Variants in PPP1R13L observed in about 807,000 individuals in gnomAD.
The protein encoded by PPP1R13L is protein phosphatase 1 regulatory subunit 13 like, also known as relA-associated inhibitor.
In PPP1R13L, 50 loss-of-function variants were observed where a neutral mutation model predicts 80.9. That is an observed-to-expected ratio of 0.62 (90% CI 0.49 to 0.78). The LOEUF (loss-of-function observed/expected upper bound fraction) is 0.78. PPP1R13L is among the 30% of genes least tolerant of loss of function. PPP1R13L has a pLI of 0.00. For missense variants in PPP1R13L, 1,200 were observed against 1,205.9 expected, an observed-to-expected ratio of 1.00 and a Z score of 0.07; for synonymous variants, 602 against 534.3, an observed-to-expected ratio of 1.13 and a Z score of -1.75.
intron 1 of PPP1R13L, among the ~76,000 whole-genome samples, chr19:45,399,624 A>AAAAC (rs1292110991): frequency 4.3e-5 from 5 of 115,894 alleles, no homozygotes; most frequent in East Asian, 2.2e-4. Flanking sequence ...ACTCCGTCTT[A>AAAAC]AAACAAACAA....
intron 8 of PPP1R13L, among the ~76,000 whole-genome samples, chr19:45,389,480 TTA>T (rs1186125537): frequency 6.6e-6 from 1 of 152,160 alleles, no homozygotes; most frequent in African/African-American, 2.4e-5. Flanking sequence ...CAGTTAACAG[TTA>T]TGTGCCAGGT....
Position 45,391,915 on chromosome 19 carries a change from A to C in PPP1R13L, c.1780T>G (p.Ser594Ala), listed in dbSNP as rs1474207212. ...GGCTGCTCTGGTGGGCTGCTCTGGG[A>C]CGGGGCCGGGGGTGGAATGGGAGCT... ...PPAPIPPPAP[S>A]QSSPPEQPQS... The change falls in exon 8 of 13, where the codon TCC becomes GCC. Residue 594 changes from serine (S) to alanine (A), a missense_variant. Ser to Ala is a moderately conservative substitution (Grantham distance 99). Transcript: ENST00000360957. 6.7e-7 allele frequency: 1 copy of C among 1,496,626 alleles called. No individual in the cohort carries two copies. Among genetic ancestry groups the C allele is most frequent in the Non-Finnish European group, 8.9e-7 (1 of 1,126,538 alleles). The allele number at this position is 1,496,626 out of a possible 1,614,324, so 92.7% of individuals were successfully genotyped here.
intron 8 of PPP1R13L, 98 bp downstream of exon 8, chr19:45,391,782 C>T (rs182779355): frequency 1.0e-6 from 1 of 958,896 alleles, no homozygotes; most frequent in African/African-American, 1.7e-5. Context: ...GAGGAGAAAA[C>T]TTCGATCTCA....
At chr19:45,403,007 C>T (rs549910151) in intron 1 of PPP1R13L, among the ~76,000 whole-genome samples, 72 of 152,308 alleles carry the variant, frequency 4.7e-4, no homozygotes, top group African/African-American at 1.6e-3. Flanking sequence ...TCGGTTTCCT[C>T]CTTTGTGGAC....
At chr19:45,404,899 C>T in intron 1 of PPP1R13L, 100 bp downstream of exon 1, 1 of 737,822 alleles carries the variant, frequency 1.4e-6, no homozygotes, top group Non-Finnish European at 1.7e-6. Context: ...GCCCCAAATT[C>T]CGCCCTGGGA....
intron 8 of PPP1R13L, among the ~76,000 whole-genome samples, chr19:45,388,989 C>T (rs1463467602): frequency 3.9e-5 from 6 of 152,040 alleles, no homozygotes; most frequent in Admixed American, 1.3e-4. Flanking sequence ...CCACCCGCCT[C>T]GGCCTCCCAA....
At position 45,396,679 on chromosome 19, in the gene PPP1R13L, G is replaced by A. The variant is rs905155114; in HGVS notation, c.578C>T (p.Pro193Leu). ...CCCACGCTCGGGGAAGAAGGCCTGG[G>A]GCCCCTCCGCCAGGGGGCTGCCGCG... ...SPRGSPLAEG[P>L]QAFFPERGPS... Residue 193 changes from proline (P) to leucine (L), a missense_variant, in exon 4 of 13, where the codon CCC (proline) becomes CTC (leucine). Physicochemically the swap from Pro to Leu is moderately conservative, Grantham distance 98 (BLOSUM62 -3). Around this residue, in one of 5 missense-constraint regions of PPP1R13L, gnomAD observed 764 missense variants for 714.5 expected, o/e 1.07. Coordinates refer to ENST00000360957, the MANE Select transcript of PPP1R13L (RefSeq NM_006663.4). The surrounding 1 kb of genome is among the most constrained non-coding windows in gnomAD (Gnocchi z 5.3). The A allele has an allele frequency of 7.0e-7, 1 of 1,436,580 alleles. No homozygotes were observed. Among genetic ancestry groups the A allele is most frequent in the Non-Finnish European group, 9.0e-7 (1 of 1,106,470 alleles). The allele number at this position is 1,436,580 out of a possible 1,614,324, so 89.0% of individuals were successfully genotyped here.
At chr19:45,382,996 C>CCTTTTTT (rs1972794674) in intron 11 of PPP1R13L, among the ~76,000 whole-genome samples, 1 of 126,276 alleles carries the variant, frequency 7.9e-6, no homozygotes, top group African/African-American at 3.1e-5. Context: ...TCTTTTCTTT[C>CCTTTTTT]TTTTTTTTTT....
chr19:45,382,253 A>T (rs1472902285), intron 12 of PPP1R13L, among the ~76,000 whole-genome samples: 1 of 151,930 alleles, frequency 6.6e-6, no homozygotes, highest in Non-Finnish European at 1.5e-5. Context: ...TAAATAAAAT[A>T]AAAATAAAAA....
chr19:45,404,080 C>G (rs1973280454), intron 1 of PPP1R13L, among the ~76,000 whole-genome samples: 1 of 152,114 alleles, frequency 6.6e-6, no homozygotes, highest in Non-Finnish European at 1.5e-5. Context: ...GAATCCCGTC[C>G]CCCAGAGAGC....
In PPP1R13L at chr19:45,395,460, G is replaced by T; in HGVS notation, c.1330C>A (p.Gln444Lys). 7.2e-7 allele frequency: 1 copy of T among 1,392,058 alleles called. No individual in the cohort carries two copies. The allele number at this position is 1,392,058 out of a possible 1,614,324, so 86.2% of individuals were successfully genotyped here. ...CCTTCGTTCACAGGGGGCCATGTCT[G>T]TTGGGGATGCTGGGGGGCTGGGGTA... ...TPTPAPQHPQ[Q>K]TWPPVNEGPP... is the part of the protein sequence containing the mutation. The change falls in exon 7 of 13, where the codon CAG becomes AAG. Residue 444 changes from glutamine (Q) to lysine (K), a missense_variant. Coordinates refer to ENST00000360957, the MANE Select transcript of PPP1R13L (RefSeq NM_006663.4).
Position 45,379,902 on chromosome 19 carries a change from G to T in PPP1R13L, c.*288C>A. On this transcript the variant is annotated 3_prime_UTR_variant, in exon 13 of 13. Transcript: ENST00000360957. The stretch of plus-strand genomic sequence containing the variant: ...CTGGGGGATGTGATGATGGTGGTAG[G>T]CATGGGAGGCACTTTGGACGGGATC... 3.2e-6 allele frequency: 1 copy of T among 316,590 alleles called. No individual in the cohort carries two copies. 19.6% of individuals were successfully genotyped at this position (316,590 alleles called of 1,614,324 possible).
chr19:45,386,259 C>T, intron 8 of PPP1R13L, 79 bp from the exon 9 acceptor site: 2 of 1,416,478 alleles, frequency 1.4e-6, no homozygotes, highest in Middle Eastern at 2.0e-4. Flanking sequence ...AACAGAGGTC[C>T]AGGGACTTGT....
intron 3 of PPP1R13L, 117 bp downstream of exon 3, chr19:45,397,888 C>G: frequency 4.4e-6 from 6 of 1,374,118 alleles, no homozygotes; most frequent in Non-Finnish European, 5.8e-6. Flanking sequence ...TTCAAGTTCC[C>G]TTGAAGAGCC....
At chr19:45,391,360 G>A (rs35004224) in intron 8 of PPP1R13L, among the ~76,000 whole-genome samples, 2,285 of 152,278 alleles carry the variant, frequency 0.015, 62 homozygotes, top group African/African-American at 0.052. Flanking sequence ...TGTATGACTC[G>A]AGATTGCTGA....
At chr19:45,380,605 C>T (rs961943872) in intron 12 of PPP1R13L, among the ~76,000 whole-genome samples, 2 of 152,052 alleles carry the variant, frequency 1.3e-5, no homozygotes, top group Non-Finnish European at 2.9e-5. Context: ...ATGACCTGAG[C>T]TCAGGAGTTC....
chr19:45,397,859 C>G (rs1178094532), intron 3 of PPP1R13L, 146 bp downstream of exon 3: 1 of 1,069,506 alleles, frequency 9.4e-7, no homozygotes, highest in African/African-American at 1.6e-5. Flanking sequence ...AGCCATCGCG[C>G]CTGGCCTGGT....
Position 45,395,679 on chromosome 19 carries a change from G to T in PPP1R13L, c.1111C>A (p.Pro371Thr). ...TGCAGCTTGAAGATCATGCTGAGGG[G>T]GATGGGACGCTGGCGCGGGGCCCCG... Reference protein sequence around the residue: ...PRGAPRQRPIPLSMIFKLQNA... With the variant: ...PRGAPRQRPITLSMIFKLQNA... The change falls in exon 7 of 13, where the codon CCC becomes ACC. Residue 371 changes from proline to threonine, a missense_variant. Coordinates refer to ENST00000360957, the MANE Select transcript of PPP1R13L (RefSeq NM_006663.4). The T allele has an allele frequency of 6.8e-7, 1 of 1,460,518 alleles. No individual in the cohort carries two copies. The highest frequency in any genetic ancestry group is 9.0e-7 in the Non-Finnish European group (1 of 1,116,026). 90.5% of individuals were successfully genotyped at this position (1,460,518 alleles called of 1,614,324 possible).
Position 45,385,643 on chromosome 19 carries a change from T to A in PPP1R13L, c.2167A>T (p.Thr723Ser). The change falls in exon 11 of 13, where the codon ACG becomes TCG. Residue 723 changes from threonine (T) to serine (S), a missense_variant. Thr to Ser is a moderately conservative substitution (Grantham distance 58, BLOSUM62 1). Coordinates refer to ENST00000360957, the MANE Select transcript of PPP1R13L (RefSeq NM_006663.4). Reference sequence around the variant, plus strand: ...AAGGCGGTGGCGCCGTCGCTGAGCGTGGTGGCGAAGATTGCAGCGCCGTGC... The same window carrying A: ...AAGGCGGTGGCGCCGTCGCTGAGCGAGGTGGCGAAGATTGCAGCGCCGTGC... ...VQHGAAIFAT[T>S]LSDGATAFEK... 1 of 1,613,044 alleles carries A rather than the reference T, an allele frequency of 6.2e-7. No individual in the cohort carries two copies. The highest frequency in any genetic ancestry group is 8.5e-7 in the Non-Finnish European group (1 of 1,179,882).
Sources: gnomAD v4.1 joint callset for allele counts (sites outside exome capture counted in the v4.1 genomes callset) on GRCh38, gnomAD v4.1.1 for gene constraint, gnomAD v4.1.1 regional missense constraint, Gnocchi (gnomAD v3.1) non-coding constraint, MANE v1.5 for transcripts, NCBI Gene and HGNC (gene_info 2026-07-23, HGNC 2026-07-21) for gene names.